Variants in FOXP1 observed in about 807,000 individuals in gnomAD.
FOXP1 encodes the protein forkhead box protein P1.
In FOXP1, 15 loss-of-function variants were observed where a neutral mutation model predicts 98.2. That is an observed-to-expected ratio of 0.15 (90% CI 0.10 to 0.24). The LOEUF (loss-of-function observed/expected upper bound fraction) is 0.24, where lower values mean the gene tolerates loss of function less well. FOXP1 is among the 10% of genes least tolerant of loss of function. The pLI is 1.00. For missense variants in FOXP1, 633 were observed against 848.5 expected (o/e 0.75, Z 3.15); for synonymous variants, 371 against 314.5 (o/e 1.18, Z -1.90).
chr3:71,276,073 T>C (rs1489286264), intron 5 of FOXP1: 1 of 152,196 alleles, frequency 6.6e-6, no homozygotes, highest in Non-Finnish European at 1.5e-5. Context: ...AAAAAGCCAA[T>C]GATTAAAAAG....
intron 3 of FOXP1, among the ~76,000 whole-genome samples, chr3:71,397,175 C>A (rs1319718911): frequency 6.8e-6 from 1 of 146,000 alleles, no homozygotes; most frequent in Non-Finnish European, 1.5e-5. Context: ...AGCACGTGTA[C>A]CTTTCCCACT....
intron 6 of FOXP1, among the ~76,000 whole-genome samples, chr3:71,128,565 C>T (rs2059375332): frequency 6.6e-6 from 1 of 152,150 alleles, no homozygotes; most frequent in African/African-American, 2.4e-5. Context: ...ACCCTAGCCA[C>T]AGACACTATG....
intron 3 of FOXP1, among the ~76,000 whole-genome samples, chr3:71,434,397 G>A (rs2085018346): frequency 6.6e-6 from 1 of 152,052 alleles, no homozygotes; most frequent in African/African-American, 2.4e-5. Flanking sequence ...AGTCCCTCTT[G>A]CTGCAAGCCC....
Position 71,265,065 on chromosome 3 carries a change from G to T in FOXP1, c.-12+34755C>A, listed in dbSNP as rs570794368. On this transcript the variant is annotated intron_variant, in intron 5 of 20. Coordinates refer to ENST00000649528, the MANE Select transcript of FOXP1 (RefSeq NM_001349338.3). ...GTTCCAGCTGTAAGCTTCAGAGCAA[G>T]TCCAGCTCTGTTCTGTGAAGTGCTA... Among the ~76,000 whole-genome samples, 7 of 152,308 alleles carry T rather than the reference G, an allele frequency of 4.6e-5. No individual in the cohort carries two copies. The East Asian group carries it at 1.4e-3, about 29-fold the overall frequency.
intron 5 of FOXP1, among the ~76,000 whole-genome samples, chr3:71,257,076 G>C (rs1442141132): frequency 1.3e-5 from 2 of 152,188 alleles, no homozygotes; most frequent in African/African-American, 4.8e-5. Flanking sequence ...GCCCATGCTT[G>C]ATGCTGATTC....
intron 6 of FOXP1, among the ~76,000 whole-genome samples, chr3:71,124,344 T>C (rs1225334663): frequency 6.6e-6 from 1 of 151,216 alleles, no homozygotes; most frequent in East Asian, 1.9e-4. Flanking sequence ...TTTTTTCCTC[T>C]CTGGAGAGAA....
At chr3:71,308,009 C>T (rs985248746) in intron 4 of FOXP1, among the ~76,000 whole-genome samples, 3 of 152,250 alleles carry the variant, frequency 2.0e-5, no homozygotes, top group African/African-American at 7.2e-5. Context: ...GATTCGGGAG[C>T]GAATGGCACA....
At chr3:71,121,886 G>T (rs776370896) in intron 6 of FOXP1, among the ~76,000 whole-genome samples, 8 of 152,110 alleles carry the variant, frequency 5.3e-5, no homozygotes, top group Non-Finnish European at 8.8e-5. Flanking sequence ...AGAAAAACTT[G>T]GGGTCAAATG....
At chr3:71,235,779 G>A (rs912609436) in intron 5 of FOXP1, among the ~76,000 whole-genome samples, 2 of 152,148 alleles carry the variant, frequency 1.3e-5, no homozygotes, top group African/African-American at 4.8e-5. Context: ...TGTTAGCCAG[G>A]ATGGTCTCTA....
chr3:71,582,526 G>A (rs887486805), intron 1 of FOXP1: 2 of 985,472 alleles, frequency 2.0e-6, no homozygotes, highest in African/African-American at 3.5e-5. Context: ...CGGCCGCCAG[G>A]ACAGGGCCGG....
chr3:71,240,840 T>C (rs958281561), intron 5 of FOXP1, among the ~76,000 whole-genome samples: 2 of 151,534 alleles, frequency 1.3e-5, no homozygotes, highest in Admixed American at 6.6e-5. Flanking sequence ...CCACAGCGCC[T>C]GGCCAGAATT....
chr3:71,526,433 T>C (rs2043386550), intron 2 of FOXP1, among the ~76,000 whole-genome samples: 1 of 152,130 alleles, frequency 6.6e-6, no homozygotes. Context: ...TCAGTAATAG[T>C]CTAAACACAA....
At position 71,219,396 on chromosome 3, in the gene FOXP1, C is replaced by T. The variant is rs145280459; in HGVS notation, c.-11-21004G>A. Among the ~76,000 whole-genome samples the T allele has an allele frequency of 5.1e-3, 777 of 152,256 alleles. 6 individuals carry two copies. The highest frequency in any genetic ancestry group is 8.9e-3 in the Non-Finnish European group (607 of 68,026). On this transcript the variant is annotated intron_variant, in intron 5 of 20. Coordinates refer to ENST00000649528, the MANE Select transcript of FOXP1 (RefSeq NM_001349338.3). ...AAATGTGGCTAGAGTGAATATAGGACTAAATTTTTAATAAATGTGTGATTT... is the reference window on the plus strand; with the variant it reads ...AAATGTGGCTAGAGTGAATATAGGATTAAATTTTTAATAAATGTGTGATTT...
At chr3:71,454,772 C>A (rs2087296178) in intron 3 of FOXP1, among the ~76,000 whole-genome samples, 1 of 150,608 alleles carries the variant, frequency 6.6e-6, no homozygotes, top group Non-Finnish European at 1.5e-5. Flanking sequence ...GGATTCGAAT[C>A]ATCAAAGCAA....
chr3:71,324,285 T>C lies in FOXP1; in HGVS notation c.-72-24405A>G, dbSNP rs537075882. ...AAGTAAGGGGTTGCCCAAAGGATTA[T>C]AAATCATGCTGCTATAAAGACACAT... is the stretch of plus-strand genomic sequence containing the variant. On this transcript the variant is annotated intron_variant, in intron 4 of 20. Coordinates refer to ENST00000649528, the MANE Select transcript of FOXP1 (RefSeq NM_001349338.3). Among the ~76,000 whole-genome samples, 19 of 152,310 alleles carry C rather than the reference T, an allele frequency of 1.2e-4. No individual in the cohort carries two copies. The East Asian group carries it at 2.1e-3, about 17-fold the overall frequency.
In FOXP1 at chr3:71,437,680, A is replaced by G. The variant is rs2085493423; in HGVS notation, c.-168+55746T>C. ...CTCTCTCCACCCAGCATAAAACGCA[A>G]GCCCAAAGGGTGGAGGAGCATGAAC... is the stretch of plus-strand genomic sequence containing the variant. On this transcript the variant is annotated intron_variant, in intron 3 of 20. Coordinates refer to ENST00000649528, the MANE Select transcript of FOXP1 (RefSeq NM_001349338.3). Among the ~76,000 whole-genome samples, 3 of 152,290 alleles carry G rather than the reference A, an allele frequency of 2.0e-5. No homozygotes were observed. In the South Asian group the frequency reaches 6.2e-4, roughly 32 times the overall value.
intron 4 of FOXP1, among the ~76,000 whole-genome samples, chr3:71,305,313 G>A (rs2074186377): frequency 6.6e-6 from 1 of 152,124 alleles, no homozygotes; most frequent in African/African-American, 2.4e-5. Flanking sequence ...CCACCGTGGG[G>A]CCAAGAGGCT....
intron 17 of FOXP1, among the ~76,000 whole-genome samples, chr3:70,973,221 T>C (rs1456482982): frequency 1.3e-5 from 2 of 149,970 alleles, no homozygotes; most frequent in Non-Finnish European, 3.0e-5. Flanking sequence ...GATCGGGGGG[T>C]GGTGAACGGA....
intron 3 of FOXP1, among the ~76,000 whole-genome samples, chr3:71,381,173 T>C (rs2080136479): frequency 1.4e-5 from 2 of 145,144 alleles, no homozygotes; most frequent in South Asian, 4.3e-4. Flanking sequence ...TTTTTTGAGA[T>C]GGAGTCTTGC....
Sources: allele counts gnomAD v4.1 joint callset (sites outside exome capture counted in the v4.1 genomes callset), GRCh38; gene constraint gnomAD v4.1.1; transcripts MANE v1.5; gene names NCBI Gene and HGNC (gene_info 2026-07-23, HGNC 2026-07-21).